ROCK2: variants seen among roughly 807,000 people sequenced by gnomAD.
ROCK2 encodes Rho associated coiled-coil containing protein kinase 2.
Under a neutral mutation model 195.1 loss-of-function variants are expected in ROCK2, and 61 were observed. That is an observed-to-expected ratio of 0.31 (90% CI 0.25 to 0.39). ROCK2 has a LOEUF of 0.39. Ranked by LOEUF, ROCK2 falls within the 10% of genes least tolerant of loss-of-function variation. ROCK2 has a pLI of 1.00. For synonymous variants in ROCK2, 504 were observed against 545.5 expected (o/e 0.92, Z 1.06); for missense variants, 1,109 against 1,637.4 (o/e 0.68, Z 5.57).
intron 3 of ROCK2, among the ~76,000 whole-genome samples, chr2:11,251,314 C>T (rs1055609799): frequency 6.6e-6 from 1 of 152,212 alleles, no homozygotes; most frequent in African/African-American, 2.4e-5. Flanking sequence ...ACATAATAAC[C>T]TTTCAATAAA....
chr2:11,267,517 A>C (rs72787669), intron 3 of ROCK2, among the ~76,000 whole-genome samples: 6,429 of 151,808 alleles, frequency 0.042, 277 homozygotes, highest in Non-Finnish European at 0.06. Flanking sequence ...CAAAAAAAAA[A>C]AACCAAAAAC....
intron 1 of ROCK2, among the ~76,000 whole-genome samples, chr2:11,321,330 C>A (rs548135429): frequency 6.6e-6 from 1 of 151,882 alleles, no homozygotes; most frequent in Non-Finnish European, 1.5e-5. Context: ...TGCACGCCAC[C>A]GCACCGGGCT....
Position 11,183,416 on chromosome 2 carries a change from G to A in ROCK2, c.*21C>T. On this transcript the variant is annotated 3_prime_UTR_variant, in exon 33 of 33. Coordinates refer to ENST00000315872, the MANE Select transcript of ROCK2 (RefSeq NM_004850.5). ...GAAGAATACGATCACCTTGAATAAT[G>A]ACTGCTTTCATAGAAGGCAGTTAGC... 1 of 1,590,876 alleles carries A rather than the reference G, an allele frequency of 6.3e-7. No homozygotes were observed.
intron 3 of ROCK2, among the ~76,000 whole-genome samples, chr2:11,268,737 C>G (rs1454112832): frequency 6.6e-6 from 1 of 152,034 alleles, no homozygotes; most frequent in Non-Finnish European, 1.5e-5. Context: ...CAAGTGTGAC[C>G]GTAAGATTTC....
At chr2:11,204,391 T>G (rs1020294632) in intron 20 of ROCK2, among the ~76,000 whole-genome samples, 12 of 152,270 alleles carry the variant, frequency 7.9e-5, no homozygotes, top group African/African-American at 2.2e-4. Context: ...CCTGTCATTG[T>G]TTTTGAAATT....
intron 1 of ROCK2, among the ~76,000 whole-genome samples, chr2:11,312,469 C>A (rs1292251916): frequency 2.6e-5 from 4 of 152,066 alleles, no homozygotes; most frequent in Non-Finnish European, 4.4e-5. Context: ...TTTCTCCAAG[C>A]AACGAATGAT....
rs1206898555 is a variant in ROCK2 at position 11,179,788 on chromosome 2, TTTTA to T, written c.*3645_*3648del. 8 of 151,944 alleles carry T rather than the reference TTTTA, an allele frequency of 5.3e-5. No homozygotes were observed. Among genetic ancestry groups the T allele is most frequent in the African/African-American group, 1.9e-4 (8 of 41,418 alleles). The allele number at this position is 151,944 out of a possible 1,614,324, so 9.4% of individuals were successfully genotyped here. On this transcript the variant is annotated 3_prime_UTR_variant, in exon 33 of 33. Coordinates refer to ENST00000315872, the MANE Select transcript of ROCK2 (RefSeq NM_004850.5). Reference sequence around the variant, plus strand: ...AATGCTTATGTCTCCATTTATTTTATTTTATTTTTTTATAAAAAAGCAGGCATAA... The same window carrying T: ...AATGCTTATGTCTCCATTTATTTTATTTTTTTTATAAAAAAGCAGGCATAA...
intron 27 of ROCK2, among the ~76,000 whole-genome samples, chr2:11,196,343 G>A (rs995658111): frequency 7.2e-5 from 11 of 152,076 alleles, no homozygotes; most frequent in African/African-American, 2.7e-4. Context: ...TGAATCAGTC[G>A]AAGTACTTTT....
chr2:11,303,103 G>A (rs541630960), intron 1 of ROCK2, among the ~76,000 whole-genome samples: 4 of 152,276 alleles, frequency 2.6e-5, no homozygotes, highest in South Asian at 4.1e-4. Context: ...AAGTTCTTCA[G>A]TCATGTCTAC....
rs189694292 is a variant in ROCK2 at position 11,238,585 on chromosome 2, C to G, written c.463-2623G>C. On this transcript the variant is annotated intron_variant, in intron 4 of 32. Coordinates refer to ENST00000315872, the MANE Select transcript of ROCK2 (RefSeq NM_004850.5). ...AATACTGGCCAGGCACGGTGGCTCA[C>G]GCCGGTAATCCCAACACTTGAGGAG... Among the ~76,000 whole-genome samples, 39 of 152,250 alleles carry G rather than the reference C, an allele frequency of 2.6e-4. No homozygotes were observed. In the East Asian group the frequency reaches 5.0e-3, roughly 20 times the overall value.
chr2:11,344,909 C>T (rs1161209920), upstream of ROCK2, among the ~76,000 whole-genome samples: 1 of 147,858 alleles, frequency 6.8e-6, no homozygotes. The surrounding 1 kb of genome is among the most constrained non-coding windows in gnomAD (Gnocchi z 5.4). Flanking sequence ...CGCACCCAGG[C>T]CGGGTCCTTC....
At chr2:11,327,997 A>G (rs891333896) in intron 1 of ROCK2, among the ~76,000 whole-genome samples, 1 of 151,460 alleles carries the variant, frequency 6.6e-6, no homozygotes, top group Non-Finnish European at 1.5e-5. Context: ...ACACAAGGGC[A>G]AAGAGTATAG....
intron 1 of ROCK2, among the ~76,000 whole-genome samples, chr2:11,309,447 G>C (rs1327622253): frequency 6.6e-6 from 1 of 152,102 alleles, no homozygotes; most frequent in Non-Finnish European, 1.5e-5. Flanking sequence ...ATTTAATTGA[G>C]CTTATACACG....
chr2:11,196,326 T>TA (rs1663635036), intron 27 of ROCK2, among the ~76,000 whole-genome samples: 2 of 152,196 alleles, frequency 1.3e-5, no homozygotes, highest in African/African-American at 4.8e-5. Context: ...ACCTTAAGCA[T>TA]ATCCTTTGAA....
intron 3 of ROCK2, among the ~76,000 whole-genome samples, chr2:11,259,034 G>A (rs1299858876): frequency 6.6e-6 from 1 of 151,354 alleles, no homozygotes; most frequent in Non-Finnish European, 1.5e-5. Flanking sequence ...GAAGGAGCTA[G>A]ACAAAGAGCT....
chr2:11,280,645 G>T (rs779587659), intron 3 of ROCK2, among the ~76,000 whole-genome samples: 9 of 152,058 alleles, frequency 5.9e-5, no homozygotes, highest in Non-Finnish European at 1.3e-4. Flanking sequence ...ATGAATGAAT[G>T]ATAACTCTAT....
intron 3 of ROCK2, among the ~76,000 whole-genome samples, chr2:11,251,872 T>C (rs1665841636): frequency 6.6e-6 from 1 of 151,968 alleles, no homozygotes; most frequent in Admixed American, 6.6e-5. Flanking sequence ...CAGACACCTC[T>C]CAAAAGAAGA....
At chr2:11,208,853 A>G (rs1226282563) in intron 18 of ROCK2, among the ~76,000 whole-genome samples, 1 of 152,170 alleles carries the variant, frequency 6.6e-6, no homozygotes, top group Non-Finnish European at 1.5e-5. Flanking sequence ...TCGGCCACCC[A>G]AAGTGCTGGA....
chr2:11,274,998 T>G (rs1666772957), intron 3 of ROCK2, among the ~76,000 whole-genome samples: 1 of 152,202 alleles, frequency 6.6e-6, no homozygotes, highest in Non-Finnish European at 1.5e-5. Context: ...GGCTCATGCC[T>G]GTAATCCCAG....
Sources: gnomAD v4.1 joint callset for allele counts (sites outside exome capture counted in the v4.1 genomes callset) on GRCh38, gnomAD v4.1.1 for gene constraint, Gnocchi (gnomAD v3.1) non-coding constraint, MANE v1.5 for transcripts, NCBI Gene and HGNC (gene_info 2026-07-23, HGNC 2026-07-21) for gene names.